Variants in ACSL1 observed in about 807,000 individuals in gnomAD.
The protein encoded by ACSL1 is acyl-CoA synthetase long chain family member 1, also known as long-chain-fatty-acid--CoA ligase 1.
A neutral mutation model predicts 98.4 loss-of-function variants in ACSL1; 41 were observed. The ratio of observed to expected loss-of-function variants is 0.42; its 90% CI spans 0.32 to 0.54. The LOEUF (loss-of-function observed/expected upper bound fraction) is 0.54, where lower values mean the gene tolerates loss of function less well. ACSL1 is among the 20% of genes least tolerant of loss of function. ACSL1 has a pLI of 0.13. For missense variants in ACSL1, 734 were observed against 883.1 expected (o/e 0.83, Z 2.14); for synonymous variants, 316 against 322.7 (o/e 0.98, Z 0.22).
intron 6 of ACSL1, 100 bp downstream of exon 6, chr4:184,776,784 T>C (rs1765358279): frequency 1.3e-6 from 2 of 1,493,448 alleles, no homozygotes; most frequent in Non-Finnish European, 1.8e-6. Context: ...GATATATATT[T>C]ACATGTAAAA....
intron 3 of ACSL1, among the ~76,000 whole-genome samples, chr4:184,784,602 C>G (rs1766900206): frequency 6.6e-6 from 1 of 152,084 alleles, no homozygotes. Flanking sequence ...AGATGTTTCC[C>G]GATTCCTATT....
At chr4:184,802,719 C>G (rs1413040012) in intron 2 of ACSL1, among the ~76,000 whole-genome samples, 1 of 152,214 alleles carries the variant, frequency 6.6e-6, no homozygotes, top group African/African-American at 2.4e-5. Context: ...AACATGAGAG[C>G]ACAGCCTCCA....
chr4:184,784,017 T>C, intron 3 of ACSL1, 26 bp from the exon 4 acceptor site: 2 of 1,581,682 alleles, frequency 1.3e-6, no homozygotes, highest in Non-Finnish European at 1.7e-6. Context: ...AAACAACAGA[T>C]GGGCTGAACG....
At position 184,773,692 on chromosome 4, in the gene ACSL1, G is replaced by T; in HGVS notation, c.812C>A (p.Ala271Glu). ...KPKPPAPEDL[A>E]VICFTSGTTG... Reference sequence around the variant, plus strand: ...AGTTCCACTTGTGAAACAAATTACTGCAAGATCTTCAGGTGCTGGAGGCTA... The same window carrying T: ...AGTTCCACTTGTGAAACAAATTACTTCAAGATCTTCAGGTGCTGGAGGCTA... Residue 271 changes from alanine (A) to glutamate (E), a missense_variant, in exon 9 of 21, where the codon GCA becomes GAA. Transcript: ENST00000281455. The surrounding 1 kb of genome is among the most constrained non-coding windows in gnomAD (Gnocchi z 4.3). 1 of 1,611,268 alleles carries T rather than the reference G, an allele frequency of 6.2e-7. No individual in the cohort carries two copies. Among genetic ancestry groups the T allele is most frequent in the South Asian group, 1.1e-5 (1 of 90,684 alleles).
chr4:184,801,213 T>C (rs1770455975), intron 2 of ACSL1, among the ~76,000 whole-genome samples: 1 of 152,186 alleles, frequency 6.6e-6, no homozygotes, highest in African/African-American at 2.4e-5. Flanking sequence ...AGAACCTCTG[T>C]GCTACTGCCT....
At chr4:184,811,754 G>C (rs1461065581) in intron 1 of ACSL1, among the ~76,000 whole-genome samples, 3 of 152,092 alleles carry the variant, frequency 2.0e-5, no homozygotes, top group African/African-American at 7.2e-5. Flanking sequence ...ACAACCCTAT[G>C]AATGTACTTC....
At chr4:184,815,300 G>A (rs553646877) in intron 1 of ACSL1, among the ~76,000 whole-genome samples, 2 of 152,292 alleles carry the variant, frequency 1.3e-5, no homozygotes, top group South Asian at 4.1e-4. Context: ...CTGAAGGAGC[G>A]GCAGGTGGGC....
chr4:184,805,377 C>T, intron 1 of ACSL1: 1 of 646,024 alleles, frequency 1.5e-6, no homozygotes. Flanking sequence ...TACAATGAAT[C>T]CATGTAAGTG....
chr4:184,809,173 A>G (rs1771780934), intron 1 of ACSL1, among the ~76,000 whole-genome samples: 1 of 152,216 alleles, frequency 6.6e-6, no homozygotes, highest in African/African-American at 2.4e-5. Flanking sequence ...TGACTTATTG[A>G]AATATTCAAG....
At chr4:184,819,952 G>C (rs1044860227) in intron 1 of ACSL1, among the ~76,000 whole-genome samples, 2 of 152,196 alleles carry the variant, frequency 1.3e-5, no homozygotes, top group African/African-American at 4.8e-5. Context: ...ACTGCACAGA[G>C]AGGGTCAGAA....
intron 1 of ACSL1, among the ~76,000 whole-genome samples, chr4:184,818,746 C>T (rs1772826739): frequency 6.6e-6 from 1 of 152,102 alleles, no homozygotes; most frequent in African/African-American, 2.4e-5. Flanking sequence ...GCCAGATATG[C>T]ACTCATGAAA....
intron 2 of ACSL1, among the ~76,000 whole-genome samples, chr4:184,790,318 T>C (rs1768128839): frequency 1.3e-5 from 2 of 152,254 alleles, no homozygotes; most frequent in Non-Finnish European, 2.9e-5. Context: ...TACAGAAGTA[T>C]ATCAAGGAAA....
At chr4:184,786,616 T>C (rs1388853529) in intron 3 of ACSL1, among the ~76,000 whole-genome samples, 3 of 152,032 alleles carry the variant, frequency 2.0e-5, no homozygotes, top group African/African-American at 4.8e-5. Context: ...GCACGTGCTA[T>C]GGGAACACTG....
chr4:184,796,666 G>A (rs1000926737), intron 2 of ACSL1, among the ~76,000 whole-genome samples: 2 of 152,196 alleles, frequency 1.3e-5, no homozygotes, highest in South Asian at 2.1e-4. Context: ...TTTCCATAAG[G>A]ATGAAGGATA....
chr4:184,760,499 T>C lies in ACSL1; in HGVS notation c.1640A>G (p.Asn547Ser), dbSNP rs111275036. 4 of 1,614,120 alleles carry C rather than the reference T, an allele frequency of 2.5e-6. No homozygotes were observed. The East Asian group carries it at 8.9e-5, about 36-fold the overall frequency. ...CCGGTCGATAATTTTCAAGGTGCCATTCTGTTGATCAGAGGGGAGGGGGTT... is the reference window on the plus strand; with the variant it reads ...CCGGTCGATAATTTTCAAGGTGCCACTCTGTTGATCAGAGGGGAGGGGGTT... ...HTGDIGKWLP[N>S]GTLKIIDRKK... Residue 547 changes from asparagine (N) to serine (S), a missense_variant and splice_region_variant, in exon 18 of 21, where the codon AAT (asparagine) becomes AGT (serine). Coordinates refer to ENST00000281455, the MANE Select transcript of ACSL1 (RefSeq NM_001995.5).
intron 5 of ACSL1, among the ~76,000 whole-genome samples, chr4:184,777,791 G>C (rs1212215335): frequency 2.8e-4 from 42 of 151,976 alleles, no homozygotes; most frequent in Non-Finnish European, 2.2e-4. Flanking sequence ...AAGAGAGAGA[G>C]AGAGACAGAG....
intron 10 of ACSL1, among the ~76,000 whole-genome samples, chr4:184,771,621 T>C (rs1392736825): frequency 6.6e-6 from 1 of 152,178 alleles, no homozygotes; most frequent in Non-Finnish European, 1.5e-5. Context: ...TGAGGGTTTG[T>C]ATAGAATATT....
intron 5 of ACSL1, 50 bp from the exon 6 acceptor site, chr4:184,777,033 A>T: frequency 2.7e-6 from 4 of 1,473,442 alleles, no homozygotes; most frequent in Non-Finnish European, 3.8e-6. Flanking sequence ...TCATCATGTA[A>T]TCAATAAGGA....
At chr4:184,784,028 T>C (rs745880798) in intron 3 of ACSL1, 37 bp from the exon 4 acceptor site, 9 of 1,523,916 alleles carry the variant, frequency 5.9e-6, no homozygotes, top group Non-Finnish European at 7.3e-6. Flanking sequence ...GGGCTGAACG[T>C]ACATAAATAT....
Sources: allele counts gnomAD v4.1 joint callset (sites outside exome capture counted in the v4.1 genomes callset), GRCh38; gene constraint gnomAD v4.1.1; non-coding constraint Gnocchi (gnomAD v3.1); transcripts MANE v1.5; gene names NCBI Gene and HGNC (gene_info 2026-07-23, HGNC 2026-07-21).